SPATC1: variants seen among roughly 807,000 people sequenced by gnomAD.
SPATC1 encodes spermatogenesis and centriole associated 1.
A neutral mutation model predicts 36.5 loss-of-function variants in SPATC1; 35 were observed. The ratio of observed to expected loss-of-function variants is 0.96; its 90% confidence interval spans 0.73 to 1.27. The LOEUF (loss-of-function observed/expected upper bound fraction) is 1.27, where lower values mean the gene tolerates loss of function less well. SPATC1 is among the 50% of genes most tolerant of loss of function. The pLI, the probability that SPATC1 is intolerant of heterozygous loss-of-function variation, is 0.00. For synonymous variants in SPATC1, 361 were observed against 353.6 expected, an observed-to-expected ratio of 1.02 and a Z score of -0.24; for missense variants, 779 against 796.0, an observed-to-expected ratio of 0.98 and a Z score of 0.26.
chr8:144,024,912 C>G (rs956047637), intron 1 of SPATC1, among the ~76,000 whole-genome samples: 1 of 151,726 alleles, frequency 6.6e-6, no homozygotes, highest in Admixed American at 6.6e-5. Context: ...CCCTAAGGAC[C>G]CTCTCCCCTC....
chr8:144,020,976 A>T (rs1834512721), intron 1 of SPATC1, among the ~76,000 whole-genome samples: 1 of 118,866 alleles, frequency 8.4e-6, no homozygotes, highest in Admixed American at 8.9e-5. Context: ...CCCCCTCAAG[A>T]CCCTCTCCCC....
At position 144,041,112 on chromosome 8, in the gene SPATC1, G is replaced by A; in HGVS notation, c.1306+5G>A. 6.3e-7 allele frequency: 1 copy of A among 1,579,256 alleles called. No individual in the cohort carries two copies. ...AGTTCCCCGAGAACCCCCGAGGTCAGTGACACTGCGGGCTCCACGCGGGTC... is the reference window on the plus strand; with the variant it reads ...AGTTCCCCGAGAACCCCCGAGGTCAATGACACTGCGGGCTCCACGCGGGTC... On this transcript the variant is annotated splice_donor_5th_base_variant and intron_variant, in intron 3 of 4. Coordinates refer to ENST00000377470, the MANE Select transcript of SPATC1 (RefSeq NM_198572.3).
chr8:144,037,227 C>T (rs1454883912), intron 1 of SPATC1, among the ~76,000 whole-genome samples: 4 of 144,984 alleles, frequency 2.8e-5, no homozygotes, highest in Admixed American at 1.4e-4. Flanking sequence ...CCGGCCGCCC[C>T]GCCCGGGAGG....
rs781802083 is a variant in SPATC1, at chr8:144,046,887, C to T, written c.1707C>T (p.Asp569=). ...CCGTGCACCCCGGCATGCTCGCCGA[C>T]GCGCTGCTGCTGCTCTCCTGCCTCA... ...VETVHPGMLA[D]ALLLLSCLSQ... Residue 569 remains aspartate (D), a synonymous_variant, in exon 5 of 5, where the codon GAC becomes GAT. Coordinates refer to ENST00000377470, the MANE Select transcript of SPATC1 (RefSeq NM_198572.3). The surrounding 1 kb of genome is among the most constrained non-coding windows in gnomAD (Gnocchi z 6.6). 16 of 1,599,568 alleles carry T rather than the reference C, an allele frequency of 1.0e-5. No homozygotes were observed. Among genetic ancestry groups the T allele is most frequent in the African/African-American group, 5.3e-5 (4 of 74,930 alleles).
In SPATC1 at chr8:144,040,050, C is replaced by G. The variant is rs1414029015; in HGVS notation, c.353C>G (p.Thr118Arg). 3 of 1,613,448 alleles carry G rather than the reference C, an allele frequency of 1.9e-6. No individual in the cohort carries two copies. Among genetic ancestry groups the G allele is most frequent in the East Asian group, 2.2e-5 (1 of 44,900 alleles). The change falls in exon 2 of 5, where the codon ACA becomes AGA. Residue 118 changes from threonine (T) to arginine (R), a missense_variant. Transcript: ENST00000377470. ...CCGGGCTCACTCATGAGCCCCCTGA[C>G]AGGCACCCTCAGCACGCTGCTGTCT... is the stretch of plus-strand genomic sequence containing the variant. Reference protein sequence around the residue: ...ATPGSLMSPLTGTLSTLLSGP... With the variant: ...ATPGSLMSPLRGTLSTLLSGP...
chr8:144,020,610 C>T (rs992669959), intron 1 of SPATC1, among the ~76,000 whole-genome samples: 1 of 147,704 alleles, frequency 6.8e-6, no homozygotes, highest in African/African-American at 2.5e-5. Context: ...CCTCAGAACC[C>T]TCTTCCTTCA....
At chr8:144,026,390 A>G (rs1286900995) in intron 1 of SPATC1, among the ~76,000 whole-genome samples, 3 of 152,174 alleles carry the variant, frequency 2.0e-5, no homozygotes, top group Admixed American at 6.5e-5. Context: ...CCTTTGGGCT[A>G]TTATGAATAA....
intron 4 of SPATC1, chr8:144,042,145 G>A: frequency 7.6e-6 from 3 of 394,598 alleles, no homozygotes; most frequent in Non-Finnish European, 6.9e-6. Context: ...AAACGATTCT[G>A]CTGCCCCAGC....
chr8:144,020,061 A>C (rs1834475091), intron 1 of SPATC1, among the ~76,000 whole-genome samples: 1 of 151,692 alleles, frequency 6.6e-6, no homozygotes. Context: ...AACCCCACAG[A>C]TGCATCCGGC....
At chr8:144,043,601 C>A (rs942099687) in intron 4 of SPATC1, among the ~76,000 whole-genome samples, 2 of 152,002 alleles carry the variant, frequency 1.3e-5, no homozygotes, top group African/African-American at 4.8e-5. Context: ...ACCTTGAACT[C>A]CTGGGCTCAA....
chr8:144,035,482 C>T (rs1210305283), intron 1 of SPATC1, among the ~76,000 whole-genome samples: 7 of 152,330 alleles, frequency 4.6e-5, no homozygotes, highest in East Asian at 3.9e-4. Context: ...ACCACTCCAG[C>T]GCCTCCTGGG....
rs375105503 is a variant in SPATC1, at chr8:144,040,066, G to T, written c.369G>T (p.Thr123=). ...LMSPLTGTLS[T]LLSGPAPTSQ... is the part of the protein sequence containing the mutation. ...GCCCCCTGACAGGCACCCTCAGCAC[G>T]CTGCTGTCTGGCCCAGCACCCACGT... Residue 123 remains threonine, a synonymous_variant, in exon 2 of 5, where the codon ACG becomes ACT. Transcript: ENST00000377470. 3.7e-6 allele frequency: 6 copies of T among 1,612,904 alleles called. No individual in the cohort carries two copies. In the East Asian group the frequency reaches 1.3e-4, roughly 36 times the overall value.
chr8:144,013,436 C>T (rs1834319742), intron 1 of SPATC1, among the ~76,000 whole-genome samples: 1 of 152,152 alleles, frequency 6.6e-6, no homozygotes, highest in African/African-American at 2.4e-5. Context: ...ATGTTTCTGA[C>T]TGATAACTTG....
At position 144,029,163 on chromosome 8, in the gene SPATC1, T is replaced by A. The variant is rs961268933; in HGVS notation, c.212-10746T>A. Among the ~76,000 whole-genome samples, 6 of 126,156 alleles carry A rather than the reference T, an allele frequency of 4.8e-5. No homozygotes were observed. The East Asian group carries it at 1.3e-3, about 28-fold the overall frequency. 82.8% of individuals were successfully genotyped at this position (126,156 alleles called of 152,430 possible). ...AACCACTGTGGCACACATTTACCTA[T>A]GTAACAAACCTGCACATCCTACACA... On this transcript the variant is annotated intron_variant, in intron 1 of 4. Coordinates refer to ENST00000377470, the MANE Select transcript of SPATC1 (RefSeq NM_198572.3).
chr8:144,014,923 G>T (rs1161816753), intron 1 of SPATC1, among the ~76,000 whole-genome samples: 1 of 152,250 alleles, frequency 6.6e-6, no homozygotes, highest in Non-Finnish European at 1.5e-5. Context: ...GAGTGTGTAT[G>T]AATGTGTGTA....
chr8:144,021,062 CT>C, intron 1 of SPATC1, among the ~76,000 whole-genome samples: 3 of 141,554 alleles, frequency 2.1e-5, no homozygotes, highest in Non-Finnish European at 3.1e-5. Flanking sequence ...TCAAGATCTT[CT>C]CCCCTGAGGA....
chr8:144,039,095 G>A (rs1479717549), intron 1 of SPATC1, among the ~76,000 whole-genome samples: 1 of 152,116 alleles, frequency 6.6e-6, no homozygotes, highest in African/African-American at 2.4e-5. Flanking sequence ...TAATAAGCAT[G>A]TACTGCATTT....
At chr8:144,040,491 C>A (rs782646237) in intron 2 of SPATC1, 28 bp downstream of exon 2, 1 of 1,566,016 alleles carries the variant, frequency 6.4e-7, no homozygotes, top group East Asian at 2.2e-5. Flanking sequence ...TGGTGGGTGG[C>A]AGAGTGGGGG....
At chr8:144,043,827 C>T (rs939868210) in intron 4 of SPATC1, among the ~76,000 whole-genome samples, 6 of 152,204 alleles carry the variant, frequency 3.9e-5, no homozygotes, top group East Asian at 3.9e-4. Context: ...CTGCCACTCA[C>T]TTGCCGTGGA....
Sources: gnomAD v4.1 joint callset for allele counts (sites outside exome capture counted in the v4.1 genomes callset) on GRCh38, gnomAD v4.1.1 for gene constraint, Gnocchi (gnomAD v3.1) non-coding constraint, MANE v1.5 for transcripts, NCBI Gene and HGNC (gene_info 2026-07-23, HGNC 2026-07-21) for gene names.